The following PPP1R18 variants were observed in gnomAD, a reference collection of about 807,000 sequenced individuals.
The protein encoded by PPP1R18 is phostensin.
PPP1R18 carries 31 observed loss-of-function variants against 54.8 expected under a neutral mutation model. The ratio of observed to expected loss-of-function variants is 0.57; its 90% CI spans 0.43 to 0.76. The LOEUF is 0.76. Ranked by LOEUF, PPP1R18 falls within the 30% of genes least tolerant of loss-of-function variation. The pLI is 0.00. For synonymous variants in PPP1R18, 310 were observed against 320.2 expected (o/e 0.97, Z 0.34); for missense variants, 685 against 776.1 (o/e 0.88, Z 1.39).
rs1165591436 is a variant in PPP1R18, at chr6:30,684,342, G to C, written c.1611+66C>G. 5 of 1,457,316 alleles carry C rather than the reference G, an allele frequency of 3.4e-6. No homozygotes were observed. Among genetic ancestry groups the C allele is most frequent in the East Asian group, 4.9e-5 (2 of 40,914 alleles). 90.3% of individuals were successfully genotyped at this position (1,457,316 alleles called of 1,614,324 possible). A position where few individuals can be genotyped will look rare whatever the true frequency, so the allele number is the denominator to read the frequency against. On this transcript the variant is annotated intron_variant, in intron 1 of 2. Transcript: ENST00000274853. This position sits in a 1 kb window ranked among gnomAD's most constrained non-coding sequence, Gnocchi z 6.0. ...AGAAAACAGGGGTATAAAAAAGAAAGAGACCAGAGTCCAGAGAAAATTGAC... is the reference window on the plus strand; with the variant it reads ...AGAAAACAGGGGTATAAAAAAGAAACAGACCAGAGTCCAGAGAAAATTGAC...
chr6:30,685,211 GTCTT>G lies in PPP1R18; in HGVS notation c.804_807del (p.Glu268AspfsTer19). 2 of 1,613,012 alleles carry G rather than the reference GTCTT, an allele frequency of 1.2e-6. No homozygotes were observed. Among genetic ancestry groups the G allele is most frequent in the Non-Finnish European group, 1.7e-6 (2 of 1,180,040 alleles). ...CTCCCACATTCTTCCGAGTAGTCTTGTCTTTCTTCTCCTGACCTCAGCCTCCACT... is the reference window on the plus strand; with the variant it reads ...CTCCCACATTCTTCCGAGTAGTCTTGTCTTCTCCTGACCTCAGCCTCCACT... On this transcript the variant is annotated frameshift_variant, in exon 1 of 3. Transcript: ENST00000274853. LOFTEE classifies it high-confidence loss of function. This position sits in a 1 kb window ranked among gnomAD's most constrained non-coding sequence, Gnocchi z 5.0.
At chr6:30,678,630 G>T (rs529354339) in intron 2 of PPP1R18, among the ~76,000 whole-genome samples, 1 of 151,804 alleles carries the variant, frequency 6.6e-6, no homozygotes, top group Non-Finnish European at 1.5e-5. Flanking sequence ...CGCCCGCCTC[G>T]GCCTCCCAAA....
rs779205767 is a variant in PPP1R18, at chr6:30,684,734, C to T, written c.1285G>A (p.Ala429Thr). ...GCTGGGGGTGGGGGAGACAGAGGGG[C>T]TGGTGGTGGGGGCTGGAGCTCCACT... Reference protein sequence around the residue: ...EAVELQPPPPAPLSPPPPAPT... With the variant: ...EAVELQPPPPTPLSPPPPAPT... The change falls in exon 1 of 3, where the codon GCC becomes ACC. Residue 429 changes from alanine (A) to threonine (T), a missense_variant. Transcript: ENST00000274853. This position sits in a 1 kb window ranked among gnomAD's most constrained non-coding sequence, Gnocchi z 6.0. The T allele has an allele frequency of 1.3e-6, 2 of 1,550,828 alleles. No individual in the cohort carries two copies. The highest frequency in any genetic ancestry group is 2.5e-5 in the South Asian group (2 of 81,182).
chr6:30,681,824 T>TA (rs1770568842), intron 1 of PPP1R18, among the ~76,000 whole-genome samples: 2 of 152,054 alleles, frequency 1.3e-5, no homozygotes, highest in African/African-American at 4.8e-5. Context: ...TGCAAGAGGT[T>TA]AGGGTTTGTT....
In PPP1R18 at chr6:30,684,316, A is replaced by G. The variant is rs953037509; in HGVS notation, c.1611+92T>C. The G allele has an allele frequency of 2.3e-6, 3 of 1,296,968 alleles. No homozygotes were observed. In the African/African-American group the frequency reaches 4.5e-5, roughly 20 times the overall value. 80.3% of individuals were successfully genotyped at this position (1,296,968 alleles called of 1,614,324 possible). On this transcript the variant is annotated intron_variant, in intron 1 of 2. Coordinates refer to ENST00000274853, the MANE Select transcript of PPP1R18 (RefSeq NM_133471.4). The surrounding 1 kb of genome is among the most constrained non-coding windows in gnomAD (Gnocchi z 6.0). Reference sequence around the variant, plus strand: ...TTAACAAGAAAGAATAGAGGAAGACAAGAAAACAGGGGTATAAAAAAGAAA... The same window carrying G: ...TTAACAAGAAAGAATAGAGGAAGACGAGAAAACAGGGGTATAAAAAAGAAA...
At chr6:30,682,627 C>T (rs890889155) in intron 1 of PPP1R18, among the ~76,000 whole-genome samples, 28 of 150,808 alleles carry the variant, frequency 1.9e-4, no homozygotes, top group African/African-American at 6.1e-4. Flanking sequence ...ACCCAAGCAG[C>T]GGCTGCTTCC....
At chr6:30,679,095 T>C in intron 2 of PPP1R18, 84 bp downstream of exon 2, 4 of 1,201,968 alleles carry the variant, frequency 3.3e-6, no homozygotes, top group Non-Finnish European at 4.7e-6. Context: ...AGTGCCTACA[T>C]GTAATCCTCC....
rs3129996 is a variant in PPP1R18 at position 30,683,810 on chromosome 6, A to C, written c.1611+598T>G. Among the ~76,000 whole-genome samples the C allele has an allele frequency of 0.94, 142,834 of 152,072 alleles. 67,182 individuals carry two copies. The highest frequency in any genetic ancestry group is 1 in the East Asian group (5,153 of 5,172). Reference sequence around the variant, plus strand: ...TCGGGGTTCAAAAGCCTTCTCTCTGATCTTTGGCCGGCCCGGTTCCATCTC... The same window carrying C: ...TCGGGGTTCAAAAGCCTTCTCTCTGCTCTTTGGCCGGCCCGGTTCCATCTC... On this transcript the variant is annotated intron_variant, in intron 1 of 2. Transcript: ENST00000274853. The surrounding 1 kb of genome is among the most constrained non-coding windows in gnomAD (Gnocchi z 5.1).
At position 30,684,575 on chromosome 6, in the gene PPP1R18, G is replaced by T; in HGVS notation, c.1444C>A (p.Pro482Thr). ...FTVNPRRSVP[P>T]ATPATPTSPA... Reference sequence around the variant, plus strand: ...GAGGTTGGGGTGGCTGGGGTCGCAGGGGGCACAGACCGCCGGGGGTTGACG... The same window carrying T: ...GAGGTTGGGGTGGCTGGGGTCGCAGTGGGCACAGACCGCCGGGGGTTGACG... Residue 482 changes from proline (P) to threonine (T), a missense_variant, in exon 1 of 3, where the codon CCT becomes ACT. Coordinates refer to ENST00000274853, the MANE Select transcript of PPP1R18 (RefSeq NM_133471.4). The surrounding 1 kb of genome is among the most constrained non-coding windows in gnomAD (Gnocchi z 6.0). The T allele has an allele frequency of 1.2e-6, 2 of 1,608,372 alleles. No individual in the cohort carries two copies. Among genetic ancestry groups the T allele is most frequent in the Non-Finnish European group, 8.5e-7 (1 of 1,177,780 alleles).
In PPP1R18 at chr6:30,685,973, G is replaced by A. The variant is rs1238240470; in HGVS notation, c.46C>T (p.Arg16Trp). ...CCTCGAACGGACGCCTCCTCCTGCC[G>A]GCGCCGGGCTAGCAGCTGTAGCTTC... ...DWKLQLLARR[R>W]QEEASVRGRE... is the part of the protein sequence containing the mutation. Residue 16 changes from arginine (R) to tryptophan (W), a missense_variant, in exon 1 of 3, where the codon CGG becomes TGG. By Grantham distance (101) the Arg-to-Trp change is moderately radical (BLOSUM62 -3). Coordinates refer to ENST00000274853, the MANE Select transcript of PPP1R18 (RefSeq NM_133471.4). This position sits in a 1 kb window ranked among gnomAD's most constrained non-coding sequence, Gnocchi z 5.0. 13 of 1,596,672 alleles carry A rather than the reference G, an allele frequency of 8.1e-6. No individual in the cohort carries two copies. The highest frequency in any genetic ancestry group is 3.4e-4 in the Middle Eastern group (2 of 5,918).
At position 30,685,761 on chromosome 6, in the gene PPP1R18, G is replaced by A. The variant is rs369560727; in HGVS notation, c.258C>T (p.His86=). 6.2e-6 allele frequency: 10 copies of A among 1,612,938 alleles called. No homozygotes were observed. The highest frequency in any genetic ancestry group is 1.6e-4 in the Middle Eastern group (1 of 6,084). The change falls in exon 1 of 3, where the codon CAC becomes CAT. Residue 86 remains histidine, a synonymous_variant. Transcript: ENST00000274853. This position sits in a 1 kb window ranked among gnomAD's most constrained non-coding sequence, Gnocchi z 5.0. ...AVLLEAIGPV[H]QNRFIRQERQ... The stretch of plus-strand genomic sequence containing the variant: ...GCTCCTGCCGGATGAATCGGTTCTG[G>A]TGCACTGGCCCGATGGCCTCCAGAA...
Position 30,684,630 on chromosome 6 carries a change from C to T in PPP1R18, c.1389G>A (p.Gly463=), listed in dbSNP as rs1770757527. 2 of 1,543,012 alleles carry T rather than the reference C, an allele frequency of 1.3e-6. No individual in the cohort carries two copies. The highest frequency in any genetic ancestry group is 1.7e-6 in the Non-Finnish European group (2 of 1,143,308). Residue 463 remains glycine, a synonymous_variant, in exon 1 of 3, where the codon GGG becomes GGA. Transcript: ENST00000274853. The surrounding 1 kb of genome is among the most constrained non-coding windows in gnomAD (Gnocchi z 6.0). ...AGGTGTGTCCACTGCGGCGGGGGGC[C>T]CCCACCCCTGGCCCTGCCTTCACCC... ...FYGVKAGPGV[G]APRRSGHTFT...
chr6:30,679,431 G>T, intron 1 of PPP1R18, 42 bp from the exon 2 acceptor site: 2 of 1,440,006 alleles, frequency 1.4e-6, no homozygotes, highest in Non-Finnish European at 9.5e-7. Context: ...AAGGTCAGCA[G>T]GGGAGAAGCC....
At position 30,685,336 on chromosome 6, in the gene PPP1R18, G is replaced by C. The variant is rs1366124873; in HGVS notation, c.683C>G (p.Ser228Cys). Residue 228 changes from serine (S) to cysteine (C), a missense_variant, in exon 1 of 3, where the codon TCT becomes TGT. Transcript: ENST00000274853. The surrounding 1 kb of genome is among the most constrained non-coding windows in gnomAD (Gnocchi z 5.0). ...TGTCAGGCCCAACTTCTGGTAGGCA[G>C]ATTCCCCTGGGCTCAGTCTACTTTC... ...EVESRLSPGE[S>C]AYQKLGLTEA... The C allele has an allele frequency of 6.2e-7, 1 of 1,613,132 alleles. No homozygotes were observed.
intron 1 of PPP1R18, among the ~76,000 whole-genome samples, chr6:30,679,750 TA>T (rs1447002926): frequency 1.3e-5 from 2 of 152,042 alleles, no homozygotes; most frequent in East Asian, 3.9e-4. Flanking sequence ...AAAAAGAAAT[TA>T]AAATACATGG....
At chr6:30,680,602 G>A (rs955116992) in intron 1 of PPP1R18, among the ~76,000 whole-genome samples, 5 of 152,042 alleles carry the variant, frequency 3.3e-5, no homozygotes, top group African/African-American at 9.7e-5. Context: ...GTTGAGGCGG[G>A]AGGATTTCTT....
At chr6:30,680,801 C>T (rs1016564578) in intron 1 of PPP1R18, among the ~76,000 whole-genome samples, 4 of 152,024 alleles carry the variant, frequency 2.6e-5, no homozygotes, top group African/African-American at 9.7e-5. Flanking sequence ...AAAGTCTACT[C>T]CAGGCTGGGC....
intron 1 of PPP1R18, among the ~76,000 whole-genome samples, chr6:30,682,986 A>G (rs1770642554): frequency 6.6e-6 from 1 of 152,144 alleles, no homozygotes; most frequent in Non-Finnish European, 1.5e-5. Context: ...TCATCTGCCC[A>G]GCCCTGAGGG....
chr6:30,686,081 G>T lies in PPP1R18; in HGVS notation c.-63C>A. On this transcript the variant is annotated 5_prime_UTR_variant, in exon 1 of 3. Transcript: ENST00000274853. ...GAGAACAGGAAGGAGAGGCTCCAGA[G>T]AGTGAGACAGCCCGGGGGTGAGACT... is the stretch of plus-strand genomic sequence containing the variant. 6.8e-7 allele frequency: 1 copy of T among 1,480,060 alleles called. No homozygotes were observed. Among genetic ancestry groups the T allele is most frequent in the South Asian group, 1.3e-5 (1 of 75,082 alleles). The allele number at this position is 1,480,060 out of a possible 1,614,324, so 91.7% of individuals were successfully genotyped here. A position where few individuals can be genotyped will look rare whatever the true frequency, so the allele number is the denominator to read the frequency against.
Sources: allele counts gnomAD v4.1 joint callset (sites outside exome capture counted in the v4.1 genomes callset), GRCh38; gene constraint gnomAD v4.1.1; non-coding constraint Gnocchi (gnomAD v3.1); transcripts MANE v1.5; gene names NCBI Gene and HGNC (gene_info 2026-07-23, HGNC 2026-07-21).